SLF1: variants seen among roughly 807,000 people sequenced by gnomAD.
The protein encoded by SLF1 is SMC5-SMC6 complex localization factor protein 1.
In SLF1, 105 loss-of-function variants were observed where a neutral mutation model predicts 123.0. The observed-to-expected ratio is 0.85, with a 90% CI of 0.73 to 1.00. The LOEUF is 1.00. Ranked by LOEUF, SLF1 falls within the 50% of genes least tolerant of loss-of-function variation. SLF1 has a pLI of 0.00. For synonymous variants in SLF1, 434 were observed against 406.6 expected (o/e 1.07, Z -0.81); for missense variants, 1,239 against 1,223.0 (o/e 1.01, Z -0.20).
intron 4 of SLF1, among the ~76,000 whole-genome samples, chr5:94,640,309 C>T (rs1746301550): frequency 6.6e-6 from 1 of 152,102 alleles, no homozygotes; most frequent in African/African-American, 2.4e-5. Flanking sequence ...TAAAGATTCT[C>T]TTCCACTTTC....
chr5:94,680,952 A>G (rs1751688199), intron 15 of SLF1, among the ~76,000 whole-genome samples: 1 of 152,202 alleles, frequency 6.6e-6, no homozygotes, highest in African/African-American at 2.4e-5. Context: ...AATATATTTG[A>G]TCACTAACAT....
intron 15 of SLF1, 70 bp downstream of exon 15, chr5:94,679,025 T>G (rs987529290): frequency 1.9e-6 from 3 of 1,543,664 alleles, no homozygotes; most frequent in Non-Finnish European, 2.6e-6. Flanking sequence ...TTTTAAGCAG[T>G]CTGTAAGCTT....
chr5:94,677,507 G>A (rs1335505544), intron 14 of SLF1, among the ~76,000 whole-genome samples: 26 of 152,070 alleles, frequency 1.7e-4, no homozygotes, highest in Admixed American at 1.6e-3. Context: ...TGTTATTTAA[G>A]CATAATATAT....
rs1210164476 is a variant in SLF1 at position 94,670,922 on chromosome 5, G to T, written c.1741G>T (p.Glu581Ter). 1 of 1,550,012 alleles carries T rather than the reference G, an allele frequency of 6.5e-7. No individual in the cohort carries two copies. The highest frequency in any genetic ancestry group is 8.7e-7 in the Non-Finnish European group (1 of 1,145,794). Residue 581 changes from glutamate (E) to a stop codon, truncating the protein, a stop_gained, in exon 14 of 21, where the codon GAA (glutamate) becomes TAA (stop). Coordinates refer to ENST00000265140, the MANE Select transcript of SLF1 (RefSeq NM_032290.4). LOFTEE classifies it high-confidence loss of function. ...MLLEIFWSGS[E>*]TSGLLTKPVN... ...TCTTGAAATTTTTTGGTCAGGAAGTGAAACCTCTGGGCTTTTGACCAAACC... is the reference window on the plus strand; with the variant it reads ...TCTTGAAATTTTTTGGTCAGGAAGTTAAACCTCTGGGCTTTTGACCAAACC...
intron 15 of SLF1, among the ~76,000 whole-genome samples, chr5:94,681,199 G>A (rs1477420068): frequency 6.6e-6 from 1 of 151,810 alleles, no homozygotes; most frequent in African/African-American, 2.4e-5. Context: ...GCATGATCTC[G>A]GCTCACTGCA....
chr5:94,623,906 T>G (rs534541436), intron 1 of SLF1, among the ~76,000 whole-genome samples: 6 of 152,284 alleles, frequency 3.9e-5, no homozygotes, highest in Admixed American at 3.9e-4. Context: ...ATATATAGTT[T>G]TCCTGTGTAA....
intron 15 of SLF1, among the ~76,000 whole-genome samples, chr5:94,682,703 A>G (rs772696119): frequency 2.0e-5 from 3 of 152,242 alleles, no homozygotes; most frequent in Non-Finnish European, 2.9e-5. Context: ...TCAGTTCCAT[A>G]TAGATGCCAC....
intron 8 of SLF1, among the ~76,000 whole-genome samples, chr5:94,654,066 A>G (rs1175643837): frequency 6.6e-6 from 1 of 152,100 alleles, no homozygotes; most frequent in Non-Finnish European, 1.5e-5. Context: ...GCTGCTTGGG[A>G]GGCTGAAGTG....
intron 5 of SLF1, among the ~76,000 whole-genome samples, chr5:94,648,632 C>T (rs1585144674): frequency 6.6e-6 from 1 of 152,312 alleles, no homozygotes; most frequent in African/African-American, 2.4e-5. Flanking sequence ...CAGGCATGTG[C>T]CACCATGGCT....
intron 20 of SLF1, among the ~76,000 whole-genome samples, chr5:94,694,239 G>T (rs1753344805): frequency 6.6e-6 from 1 of 151,878 alleles, no homozygotes; most frequent in African/African-American, 2.4e-5. Context: ...GTAGTTAAAT[G>T]AGTTTAACTA....
chr5:94,665,784 T>G (rs1429966386), intron 11 of SLF1, 77 bp from the exon 12 acceptor site: 2 of 1,282,570 alleles, frequency 1.6e-6, no homozygotes, highest in Non-Finnish European at 2.1e-6. Context: ...GTTACTGTTT[T>G]GGTTTTAGAC....
intron 17 of SLF1, 147 bp from the exon 18 acceptor site, chr5:94,689,326 A>G (rs1319999905): frequency 1.2e-6 from 1 of 827,568 alleles, no homozygotes; most frequent in Non-Finnish European, 1.7e-6. Context: ...AGTTGAAATA[A>G]ATTTTAAAAT....
chr5:94,681,179 G>T (rs1156239125), intron 15 of SLF1, among the ~76,000 whole-genome samples: 1 of 152,106 alleles, frequency 6.6e-6, no homozygotes, highest in Non-Finnish European at 1.5e-5. Context: ...CCCCAGGCTG[G>T]AGTGCAGTGG....
chr5:94,662,079 T>C (rs746414394), intron 9 of SLF1, among the ~76,000 whole-genome samples: 2 of 152,164 alleles, frequency 1.3e-5, no homozygotes, highest in Non-Finnish European at 2.9e-5. Context: ...GACTTAATTA[T>C]TGTAATTTAG....
rs1744904796 is a variant in SLF1 at position 94,628,878 on chromosome 5, T to TTTTAAAAGAAAA, written c.68_69insTTTAAAAGAAAA (p.Leu23_Val24insLeuLysGluLys). The TTTTAAAAGAAAA allele has an allele frequency of 1.9e-6, 3 of 1,550,084 alleles. No homozygotes were observed. Among genetic ancestry groups the TTTTAAAAGAAAA allele is most frequent in the Non-Finnish European group, 2.6e-6 (3 of 1,146,350 alleles). ...TTTAAGATGGAAGAAAAAGAAGCGC[T>TTTTAAAAGAAAA]AGTCAAATTACTTTTAAAACTAGAT... On this transcript the variant is annotated inframe_insertion, in exon 2 of 21. Transcript: ENST00000265140.
chr5:94,630,362 ATG>A (rs1372617275), intron 3 of SLF1, 139 bp from the exon 4 acceptor site: 12 of 986,494 alleles, frequency 1.2e-5, no homozygotes, highest in Non-Finnish European at 1.6e-5. Context: ...TTTCCCCAAA[ATG>A]CATAGTTCAA....
At chr5:94,672,594 G>T (rs945157836) in intron 14 of SLF1, among the ~76,000 whole-genome samples, 1 of 151,492 alleles carries the variant, frequency 6.6e-6, no homozygotes, top group Non-Finnish European at 1.5e-5. Flanking sequence ...TCTTTCTTCA[G>T]CTATGTCCAG....
At chr5:94,646,835 T>G (rs1747127748) in intron 5 of SLF1, among the ~76,000 whole-genome samples, 1 of 152,214 alleles carries the variant, frequency 6.6e-6, no homozygotes, top group Admixed American at 6.5e-5. Context: ...ACTACATTGC[T>G]TTGGTGATTG....
intron 15 of SLF1, among the ~76,000 whole-genome samples, chr5:94,679,628 A>G (rs562002563): frequency 2.0e-5 from 3 of 151,872 alleles, no homozygotes; most frequent in African/African-American, 7.2e-5. Context: ...ACTTGCTACT[A>G]TTTTTTTCCC....
Sources: allele counts gnomAD v4.1 joint callset (sites outside exome capture counted in the v4.1 genomes callset), GRCh38; gene constraint gnomAD v4.1.1; transcripts MANE v1.5; gene names NCBI Gene and HGNC (gene_info 2026-07-23, HGNC 2026-07-21).